The following LHFPL6 variants were observed in gnomAD, a reference collection of about 807,000 sequenced individuals.
LHFPL6 encodes LHFPL tetraspan subfamily member 6.
In LHFPL6, 9 loss-of-function variants were observed where a neutral mutation model predicts 20.6. The ratio of observed to expected loss-of-function variants is 0.44; its 90% CI spans 0.26 to 0.76. LHFPL6 has a LOEUF of 0.76. LHFPL6 is among the 30% of genes least tolerant of loss of function. LHFPL6 has a pLI of 0.20. For missense variants in LHFPL6, 218 were observed against 253.5 expected, an observed-to-expected ratio of 0.86 and a Z score of 0.95; for synonymous variants, 105 against 98.7, an observed-to-expected ratio of 1.06 and a Z score of -0.38.
Position 39,360,804 on chromosome 13 carries a change from T to A in LHFPL6, c.485-16750A>T, listed in dbSNP as rs867753076. ...GAATTACAAATGCATTCTTTTATATTCAATGGTATAAGTTTCCCTTCTGGA... is the reference window on the plus strand; with the variant it reads ...GAATTACAAATGCATTCTTTTATATACAATGGTATAAGTTTCCCTTCTGGA... On this transcript the variant is annotated intron_variant, in intron 3 of 3. Coordinates refer to ENST00000379589, the MANE Select transcript of LHFPL6 (RefSeq NM_005780.3). Among the ~76,000 whole-genome samples, 2 of 95,992 alleles carry A rather than the reference T, an allele frequency of 2.1e-5. 1 individual carries two copies. 63.0% of individuals were successfully genotyped at this position (95,992 alleles called of 152,430 possible).
chr13:39,375,345 T>C (rs1450977045), intron 3 of LHFPL6, among the ~76,000 whole-genome samples: 4 of 152,148 alleles, frequency 2.6e-5, no homozygotes, highest in African/African-American at 9.7e-5. Context: ...TCAACTTTCA[T>C]TAGTGTTCAG....
chr13:39,373,435 G>A (rs928208356), intron 3 of LHFPL6, among the ~76,000 whole-genome samples: 7 of 152,180 alleles, frequency 4.6e-5, no homozygotes, highest in East Asian at 1.9e-4. Flanking sequence ...ATGAGGCTAC[G>A]CATTCCCATT....
intron 2 of LHFPL6, among the ~76,000 whole-genome samples, chr13:39,561,798 CCTAACA>C (rs1871491645): frequency 6.6e-6 from 1 of 152,128 alleles, no homozygotes; most frequent in Admixed American, 6.5e-5. Context: ...TACCCCAGGG[CCTAACA>C]CTGAGTGACT....
In LHFPL6 at chr13:39,390,337, A is replaced by G. The variant is rs925780342; in HGVS notation, c.386-11811T>C. ...ACAGCAAGACTCCTTCTCTTAAAAA[A>G]GAAAAAAAAAATTAGCCACGCGTGG... On this transcript the variant is annotated intron_variant, in intron 2 of 3. Transcript: ENST00000379589. Among the ~76,000 whole-genome samples, 5 of 152,076 alleles carry G rather than the reference A, an allele frequency of 3.3e-5. 1 individual carries two copies. Among genetic ancestry groups the G allele is most frequent in the African/African-American group, 9.7e-5 (4 of 41,414 alleles).
chr13:39,427,051 T>C (rs1871660506), intron 2 of LHFPL6, among the ~76,000 whole-genome samples: 1 of 148,254 alleles, frequency 6.7e-6, no homozygotes, highest in South Asian at 2.3e-4. Context: ...TGCCTTTGCA[T>C]CTTTGTAAAA....
intron 2 of LHFPL6, among the ~76,000 whole-genome samples, chr13:39,474,661 T>C (rs1182086218): frequency 6.6e-6 from 1 of 152,204 alleles, no homozygotes; most frequent in Non-Finnish European, 1.5e-5. Flanking sequence ...ATGAACAAAT[T>C]ATAAACATTT....
intron 2 of LHFPL6, among the ~76,000 whole-genome samples, chr13:39,483,534 A>G (rs1868611022): frequency 6.8e-6 from 1 of 147,560 alleles, no homozygotes; most frequent in African/African-American, 2.5e-5. Flanking sequence ...TTTTCATCCA[A>G]TTCTGCCTCA....
chr13:39,537,500 A>G (rs1010889329), intron 2 of LHFPL6, among the ~76,000 whole-genome samples: 14 of 152,216 alleles, frequency 9.2e-5, no homozygotes, highest in Non-Finnish European at 1.8e-4. Flanking sequence ...AGGAAATTTC[A>G]GGGCTTTAAA....
Position 39,512,608 on chromosome 13 carries a change from A to AAAAAAAAAAG in LHFPL6, c.385+88223_385+88224insCTTTTTTTTT, listed in dbSNP as rs1418166380. ...CAGAGCGAGCCTCCGTCTCAAAAAA[A>AAAAAAAAAAG]AAAAAAAGAAAAGAAAAAGAAATCA... On this transcript the variant is annotated intron_variant, in intron 2 of 3. Coordinates refer to ENST00000379589, the MANE Select transcript of LHFPL6 (RefSeq NM_005780.3). Among the ~76,000 whole-genome samples, 157 of 149,540 alleles carry AAAAAAAAAAG rather than the reference A, an allele frequency of 1.0e-3. 1 individual carries two copies. Among genetic ancestry groups the AAAAAAAAAAG allele is most frequent in the Non-Finnish European group, 1.8e-3 (121 of 67,816 alleles).
intron 2 of LHFPL6, among the ~76,000 whole-genome samples, chr13:39,466,240 A>C (rs555721153): frequency 1.6e-4 from 24 of 152,194 alleles, no homozygotes; most frequent in Non-Finnish European, 3.2e-4. Context: ...GGTTCTCTCA[A>C]TATTGCCACA....
intron 3 of LHFPL6, among the ~76,000 whole-genome samples, chr13:39,370,536 A>C (rs1870138440): frequency 6.6e-6 from 1 of 152,232 alleles, no homozygotes; most frequent in Non-Finnish European, 1.5e-5. Context: ...CCCAAATAGC[A>C]ATCTCAAAAT....
intron 2 of LHFPL6, among the ~76,000 whole-genome samples, chr13:39,386,920 T>C (rs577028187): frequency 6.6e-6 from 1 of 152,336 alleles, no homozygotes; most frequent in South Asian, 2.1e-4. Flanking sequence ...CTTACCTTAA[T>C]GCTCAGAAAA....
At chr13:39,371,410 A>T (rs887806097) in intron 3 of LHFPL6, among the ~76,000 whole-genome samples, 3 of 152,226 alleles carry the variant, frequency 2.0e-5, no homozygotes, top group Non-Finnish European at 4.4e-5. Flanking sequence ...ACCCAAACTT[A>T]CTGTTGCGGA....
intron 2 of LHFPL6, among the ~76,000 whole-genome samples, chr13:39,488,995 A>C (rs141193391): frequency 6.6e-6 from 1 of 152,250 alleles, no homozygotes; most frequent in East Asian, 1.9e-4. Context: ...CCTTTCCTTC[A>C]TCTGTTGGCT....
At chr13:39,464,959 T>C (rs906269209) in intron 2 of LHFPL6, among the ~76,000 whole-genome samples, 4 of 152,194 alleles carry the variant, frequency 2.6e-5, no homozygotes, top group African/African-American at 9.7e-5. Flanking sequence ...GAGTACTGTC[T>C]TCTAATAGGG....
At chr13:39,352,089 C>T (rs1456309378) in intron 3 of LHFPL6, among the ~76,000 whole-genome samples, 1 of 152,168 alleles carries the variant, frequency 6.6e-6, no homozygotes, top group African/African-American at 2.4e-5. Context: ...ACTTGACAGC[C>T]CCAATTCCTG....
intron 3 of LHFPL6, among the ~76,000 whole-genome samples, chr13:39,350,489 T>C (rs932930802): frequency 4.6e-5 from 7 of 152,210 alleles, no homozygotes; most frequent in African/African-American, 1.7e-4. Context: ...GTAATGAAAC[T>C]AAATAAAACC....
At chr13:39,579,177 A>G (rs1359411846) in intron 2 of LHFPL6, among the ~76,000 whole-genome samples, 1 of 152,186 alleles carries the variant, frequency 6.6e-6, no homozygotes, top group Non-Finnish European at 1.5e-5. Context: ...GCTCACACCC[A>G]AGAGGATTAC....
In LHFPL6 at chr13:39,360,730, T is replaced by C. The variant is rs1186864953; in HGVS notation, c.485-16676A>G. ...GCTAAGCTCAAATAGGAGCACATGT[T>C]AGATGGGCCTCAGATTGTAAGGGGA... is the stretch of plus-strand genomic sequence containing the variant. On this transcript the variant is annotated intron_variant, in intron 3 of 3. Coordinates refer to ENST00000379589, the MANE Select transcript of LHFPL6 (RefSeq NM_005780.3). Among the ~76,000 whole-genome samples the C allele has an allele frequency of 3.6e-5, 3 of 83,588 alleles. 1 individual carries two copies. Among genetic ancestry groups the C allele is most frequent in the Non-Finnish European group, 8.3e-5 (3 of 36,122 alleles). 54.8% of individuals were successfully genotyped at this position (83,588 alleles called of 152,430 possible).
Sources: gnomAD v4.1 joint callset for allele counts (sites outside exome capture counted in the v4.1 genomes callset) on GRCh38, gnomAD v4.1.1 for gene constraint, MANE v1.5 for transcripts, NCBI Gene and HGNC (gene_info 2026-07-23, HGNC 2026-07-21) for gene names.